SYNE1: variants seen among roughly 807,000 people sequenced by gnomAD.
SYNE1 encodes nesprin-1.
SYNE1 carries 616 observed loss-of-function variants against 1,111.0 expected under a neutral mutation model. The ratio of observed to expected loss-of-function variants is 0.55; its 90% CI spans 0.52 to 0.59. SYNE1 has a LOEUF of 0.59. Among genes scored for constraint, SYNE1 ranks in the 20% least tolerant of loss-of-function variants. The pLI is 0.00. For synonymous variants in SYNE1, 3,855 were observed against 3,825.8 expected, an observed-to-expected ratio of 1.01 and a Z score of -0.28; for missense variants, 10,006 against 10,417.0, an observed-to-expected ratio of 0.96 and a Z score of 1.72.
intron 126 of SYNE1, among the ~76,000 whole-genome samples, chr6:152,204,632 G>A (rs1361305224): frequency 6.6e-6 from 1 of 152,144 alleles, no homozygotes; most frequent in African/African-American, 2.4e-5. Flanking sequence ...CGGATGTAGT[G>A]TAAAAGTCAA....
chr6:152,417,024 GAAGA>G lies in SYNE1; in HGVS notation c.5422-13_5422-10del, dbSNP rs778229044. 1 of 1,613,708 alleles carries G rather than the reference GAAGA, an allele frequency of 6.2e-7. No homozygotes were observed. Among genetic ancestry groups the G allele is most frequent in the Admixed American group, 1.7e-5 (1 of 60,018 alleles). ...ACTTCTGCTGCGTGGTCCTGGAAGG[GAAGA>G]GAGAGTTATTGATTCCTGAGATACA... On this transcript the variant is annotated splice_polypyrimidine_tract_variant and intron_variant, in intron 40 of 145. Coordinates refer to ENST00000367255, the MANE Select transcript of SYNE1 (RefSeq NM_182961.4).
chr6:152,134,965 T>TA (rs1562919554), intron 142 of SYNE1, 139 bp downstream of exon 142: 10 of 1,143,470 alleles, frequency 8.7e-6, no homozygotes, highest in Non-Finnish European at 8.9e-6. Flanking sequence ...CACAGGGAGT[T>TA]AAAAAAGTGT....
intron 70 of SYNE1, 113 bp from the exon 71 acceptor site, chr6:152,350,883 A>T: frequency 7.5e-7 from 1 of 1,328,738 alleles, no homozygotes; most frequent in Middle Eastern, 1.9e-4. Context: ...GATTGTTCAT[A>T]TTTATGAAGC....
At chr6:152,464,646 A>G (rs1200279332) in intron 18 of SYNE1, among the ~76,000 whole-genome samples, 2 of 152,182 alleles carry the variant, frequency 1.3e-5, no homozygotes, top group Non-Finnish European at 2.9e-5. Flanking sequence ...TTTCCATGTA[A>G]AAATGCCAGG....
chr6:152,361,812 C>T (rs747635587), intron 64 of SYNE1, among the ~76,000 whole-genome samples: 10 of 138,924 alleles, frequency 7.2e-5, no homozygotes, highest in South Asian at 2.2e-4. Flanking sequence ...AGCATTATGA[C>T]GAATGCACAA....
At chr6:152,558,113 A>G (rs1027873664) in intron 3 of SYNE1, among the ~76,000 whole-genome samples, 2 of 152,142 alleles carry the variant, frequency 1.3e-5, no homozygotes, top group Admixed American at 1.3e-4. Context: ...TCAAAGTTAA[A>G]TTGTTACCAG....
intron 64 of SYNE1, 138 bp downstream of exon 64, chr6:152,362,032 A>C: frequency 1.7e-6 from 2 of 1,174,710 alleles, no homozygotes; most frequent in Non-Finnish European, 2.5e-6. Context: ...AGAAGCCTTT[A>C]GAGATTATAC....
intron 101 of SYNE1, among the ~76,000 whole-genome samples, chr6:152,258,808 G>A (rs1002347359): frequency 2.7e-5 from 4 of 150,416 alleles, no homozygotes; most frequent in South Asian, 2.1e-4. Context: ...GTAGTGGTGC[G>A]ATCTTGGCAC....
intron 78 of SYNE1, among the ~76,000 whole-genome samples, chr6:152,328,901 G>C (rs563266283): frequency 3.9e-5 from 6 of 152,212 alleles, no homozygotes; most frequent in Non-Finnish European, 7.4e-5. Flanking sequence ...CCCCACAGAG[G>C]GGGTGAAGAG....
At chr6:152,183,745 A>G (rs2068827280) in intron 128 of SYNE1, among the ~76,000 whole-genome samples, 1 of 152,188 alleles carries the variant, frequency 6.6e-6, no homozygotes, top group Non-Finnish European at 1.5e-5. Context: ...CCCAAAATAG[A>G]AAAATATTAC....
At chr6:152,619,046 T>TCA (rs56677340) in intron 3 of SYNE1, among the ~76,000 whole-genome samples, 2,098 of 135,772 alleles carry the variant, frequency 0.015, 24 homozygotes, top group African/African-American at 0.038. Flanking sequence ...GGTGTGAGAA[T>TCA]CACACACACA....
At chr6:152,530,845 G>C (rs923108460) in intron 4 of SYNE1, among the ~76,000 whole-genome samples, 18 of 151,722 alleles carry the variant, frequency 1.2e-4, no homozygotes, top group Non-Finnish European at 2.2e-4. Flanking sequence ...GGATGGTCTC[G>C]ATCTCCTGAC....
chr6:152,300,811 T>C, intron 92 of SYNE1, 30 bp from the exon 93 acceptor site: 1 of 1,614,144 alleles, frequency 6.2e-7, no homozygotes, highest in Non-Finnish European at 8.5e-7. Context: ...CCAAAGGACA[T>C]GAAAATCAAT....
chr6:152,425,299 C>A, intron 39 of SYNE1, 82 bp downstream of exon 39: 2 of 1,482,676 alleles, frequency 1.3e-6, no homozygotes, highest in Non-Finnish European at 1.9e-6. Flanking sequence ...TAAAAGTAAA[C>A]AAAACTATGC....
chr6:152,616,457 T>C (rs1247886738), intron 3 of SYNE1, among the ~76,000 whole-genome samples: 1 of 152,138 alleles, frequency 6.6e-6, no homozygotes, highest in African/African-American at 2.4e-5. Flanking sequence ...ATGCCTGTCA[T>C]CCCAGCTACT....
chr6:152,557,148 G>A (rs1564832918), intron 3 of SYNE1, among the ~76,000 whole-genome samples: 1 of 151,896 alleles, frequency 6.6e-6, no homozygotes, highest in Non-Finnish European at 1.5e-5. Flanking sequence ...TGGAGCTGAC[G>A]AACACAATAA....
In SYNE1 at chr6:152,287,026, A is replaced by G. The variant is rs1417569922; in HGVS notation, c.18013-2854T>C. 3.3e-5 allele frequency among the ~76,000 whole-genome samples: 5 copies of G among 152,256 alleles called. No homozygotes were observed. In the East Asian group the frequency reaches 9.6e-4, roughly 29 times the overall value. On this transcript the variant is annotated intron_variant, in intron 95 of 145. Transcript: ENST00000367255. ...TACTGGCTTATGATGAGATAAACAT[A>G]TTGAGAGCAAGTGCTAAGAAACTTT...
intron 39 of SYNE1, among the ~76,000 whole-genome samples, chr6:152,421,493 T>C (rs1472064915): frequency 2.0e-5 from 3 of 152,064 alleles, no homozygotes; most frequent in African/African-American, 7.2e-5. Flanking sequence ...AATTGGGGGC[T>C]GAAGAGAGAA....
intron 22 of SYNE1, chr6:152,456,553 T>C (rs1377528804): frequency 4.1e-6 from 1 of 242,918 alleles, no homozygotes; most frequent in Non-Finnish European, 8.2e-6. Context: ...CCTATCAGCC[T>C]TATTAATGAA....
Sources: gnomAD v4.1 joint callset for allele counts (sites outside exome capture counted in the v4.1 genomes callset) on GRCh38, gnomAD v4.1.1 for gene constraint, MANE v1.5 for transcripts, NCBI Gene and HGNC (gene_info 2026-07-23, HGNC 2026-07-21) for gene names.